The following BORCS5 variants were observed in gnomAD, a reference collection of about 807,000 sequenced individuals.
BORCS5 encodes BLOC-1 related complex subunit 5, also known as BLOC-1-related complex subunit 5.
A neutral mutation model predicts 22.1 loss-of-function variants in BORCS5; 17 were observed. The observed-to-expected ratio is 0.77, with a 90% CI of 0.53 to 1.15. The LOEUF (loss-of-function observed/expected upper bound fraction) is 1.15, where lower values mean the gene tolerates loss of function less well. Ranked by LOEUF, BORCS5 falls within the 50% of genes most tolerant of loss-of-function variation. The pLI is 0.00. For missense variants in BORCS5, 247 were observed against 253.2 expected (o/e 0.98, Z 0.17); for synonymous variants, 117 against 99.8 (o/e 1.17, Z -1.03).
rs1490020483 is a variant in BORCS5, at chr12:12,435,622, T to C, written c.203-6T>C. On this transcript the variant is annotated splice_polypyrimidine_tract_variant and splice_region_variant and intron_variant, in intron 2 of 3. Coordinates refer to ENST00000314565, the MANE Select transcript of BORCS5 (RefSeq NM_058169.6). ...TAATTTCATTTCATTTTTTTCTCCTTTGAAGGGCTATTGAGTGGCCAGACT... is the reference window on the plus strand; with the variant it reads ...TAATTTCATTTCATTTTTTTCTCCTCTGAAGGGCTATTGAGTGGCCAGACT... 1.9e-6 allele frequency: 3 copies of C among 1,606,454 alleles called. No individual in the cohort carries two copies. Among genetic ancestry groups the C allele is most frequent in the Non-Finnish European group, 2.5e-6 (3 of 1,176,860 alleles).
At chr12:12,463,023 A>G (rs1408317126) in intron 3 of BORCS5, among the ~76,000 whole-genome samples, 1 of 152,222 alleles carries the variant, frequency 6.6e-6, no homozygotes, top group Non-Finnish European at 1.5e-5. Flanking sequence ...CTGCTTATCC[A>G]GAAGACAATT....
At chr12:12,395,845 G>A (rs1941326447) in intron 2 of BORCS5, among the ~76,000 whole-genome samples, 1 of 152,076 alleles carries the variant, frequency 6.6e-6, no homozygotes, top group Admixed American at 6.6e-5. Flanking sequence ...AGTGGAAGGA[G>A]GAGCAAACTT....
intron 2 of BORCS5, among the ~76,000 whole-genome samples, chr12:12,429,774 C>T (rs1295218117): frequency 6.6e-6 from 1 of 152,210 alleles, no homozygotes; most frequent in African/African-American, 2.4e-5. Flanking sequence ...CCCTCTGCTT[C>T]AGCCACCTGG....
At chr12:12,402,896 C>A (rs920521724) in intron 2 of BORCS5, among the ~76,000 whole-genome samples, 1 of 152,234 alleles carries the variant, frequency 6.6e-6, no homozygotes, top group Admixed American at 6.5e-5. Flanking sequence ...AAGTTGTATA[C>A]GTGAACGTTG....
At chr12:12,422,965 C>T (rs1848559928) in intron 2 of BORCS5, among the ~76,000 whole-genome samples, 1 of 150,986 alleles carries the variant, frequency 6.6e-6, no homozygotes, top group Admixed American at 6.6e-5. Context: ...TACAAAAACC[C>T]CTGTAAATAC....
In BORCS5 at chr12:12,374,952, CAAA is replaced by C. The variant is rs112909758; in HGVS notation, c.202+13618_202+13620del. On this transcript the variant is annotated intron_variant, in intron 2 of 3. Coordinates refer to ENST00000314565, the MANE Select transcript of BORCS5 (RefSeq NM_058169.6). ...CCTGGGTGACAGAGTGAGACTGTCT[CAAA>C]AAAAAAAAAAAAAATTATTAACCAA... is the stretch of plus-strand genomic sequence containing the variant. Among the ~76,000 whole-genome samples, 572 of 106,416 alleles carry C rather than the reference CAAA, an allele frequency of 5.4e-3. 4 individuals are homozygous for C. Among genetic ancestry groups the C allele is most frequent in the African/African-American group, 0.014 (485 of 35,440 alleles). 69.8% of individuals were successfully genotyped at this position (106,416 alleles called of 152,430 possible).
chr12:12,416,506 C>G (rs1941959109), intron 2 of BORCS5, among the ~76,000 whole-genome samples: 1 of 151,902 alleles, frequency 6.6e-6, no homozygotes, highest in Admixed American at 6.6e-5. Context: ...TGCAGTGGTG[C>G]AATCATAGCT....
At chr12:12,368,557 A>G (rs1592056682) in intron 2 of BORCS5, among the ~76,000 whole-genome samples, 1 of 150,272 alleles carries the variant, frequency 6.7e-6, no homozygotes, top group Non-Finnish European at 1.5e-5. Flanking sequence ...TGATCTTCCA[A>G]CCTCAGCCTC....
chr12:12,435,667 T>A lies in BORCS5; in HGVS notation c.242T>A (p.Leu81Ter). 1 of 1,614,076 alleles carries A rather than the reference T, an allele frequency of 6.2e-7. No homozygotes were observed. Among genetic ancestry groups the A allele is most frequent in the East Asian group, 2.2e-5 (1 of 44,880 alleles). Residue 81 changes from leucine to a stop codon, truncating the protein, a stop_gained, in exon 3 of 4, where the codon TTG (leucine) becomes TAG (stop). Transcript: ENST00000314565. LOFTEE classifies it high-confidence loss of function. ...SGQTSPTNAKLEKLDSQQVLQ... is the reference protein window; with the variant it reads ...SGQTSPTNAK The stretch of plus-strand genomic sequence containing the variant: ...CAGACTTCCCCAACAAATGCCAAAT[T>A]GGAGAAACTGGACTCTCAGCAGGTG...
intron 1 of BORCS5, among the ~76,000 whole-genome samples, chr12:12,358,530 C>T (rs1000253533): frequency 6.6e-6 from 1 of 152,202 alleles, no homozygotes; most frequent in East Asian, 1.9e-4. Context: ...ATAATTGCCA[C>T]CTTTGACATT....
chr12:12,400,088 C>T (rs1489807784), intron 2 of BORCS5, among the ~76,000 whole-genome samples: 3 of 152,234 alleles, frequency 2.0e-5, no homozygotes, highest in Non-Finnish European at 4.4e-5. Flanking sequence ...ACCTTGGCTT[C>T]GCACCAAGGC....
At position 12,469,048 on chromosome 12, in the gene BORCS5, A is replaced by G. The variant is rs1943244218; in HGVS notation, c.*3272A>G. 6.6e-6 allele frequency: 1 copy of G among 152,328 alleles called. No homozygotes were observed. The highest frequency in any genetic ancestry group is 2.4e-5 in the African/African-American group (1 of 41,568). 9.4% of individuals were successfully genotyped at this position (152,328 alleles called of 1,614,324 possible). A position where few individuals can be genotyped will look rare whatever the true frequency, so the allele number is the denominator to read the frequency against. ...CAAGGACTCCATACCCTGATATAGG[A>G]GTACATTCAAGAAATGAGTTTAGGC... is the stretch of plus-strand genomic sequence containing the variant. On this transcript the variant is annotated 3_prime_UTR_variant, in exon 4 of 4. Transcript: ENST00000314565.
chr12:12,470,466 G>A lies in BORCS5; in HGVS notation c.*4690G>A, dbSNP rs940877874. Among the ~76,000 whole-genome samples, 11 of 152,110 alleles carry A rather than the reference G, an allele frequency of 7.2e-5. No individual in the cohort carries two copies. Among genetic ancestry groups the A allele is most frequent in the African/African-American group, 1.9e-4 (8 of 41,410 alleles). On this transcript the variant is annotated 3_prime_UTR_variant, in exon 4 of 4. Coordinates refer to ENST00000314565, the MANE Select transcript of BORCS5 (RefSeq NM_058169.6). ...CCCAGCATTAGACTCCCCTAAGAGCGTGAACCCTATTGTGAACTGCGCACG... is the reference window on the plus strand; with the variant it reads ...CCCAGCATTAGACTCCCCTAAGAGCATGAACCCTATTGTGAACTGCGCACG...
intron 2 of BORCS5, among the ~76,000 whole-genome samples, chr12:12,361,603 A>G (rs1327036546): frequency 6.6e-6 from 1 of 152,236 alleles, no homozygotes; most frequent in Non-Finnish European, 1.5e-5. Flanking sequence ...TTTCTCTGCT[A>G]GAATGTGAGC....
At chr12:12,371,781 A>G (rs1863534371) in intron 2 of BORCS5, among the ~76,000 whole-genome samples, 2 of 152,176 alleles carry the variant, frequency 1.3e-5, no homozygotes, top group Non-Finnish European at 2.9e-5. Flanking sequence ...CTTACACATC[A>G]CTGACACACC....
rs7975896 is a variant in BORCS5, at chr12:12,357,155, C to G, written c.-297C>G. 3 of 1,532,696 alleles carry G rather than the reference C, an allele frequency of 2.0e-6. No homozygotes were observed. Among genetic ancestry groups the G allele is most frequent in the Non-Finnish European group, 1.7e-6 (2 of 1,145,558 alleles). 94.9% of individuals were successfully genotyped at this position (1,532,696 alleles called of 1,614,324 possible). ...CGGCGCCGCCCGCCGGCCGCAGGTG[C>G]GGCAAAGCCAGTGTCATCTGCCGGT... On this transcript the variant is annotated 5_prime_UTR_variant, in exon 1 of 4. Coordinates refer to ENST00000314565, the MANE Select transcript of BORCS5 (RefSeq NM_058169.6).
At chr12:12,423,891 T>C (rs1164855245) in intron 2 of BORCS5, among the ~76,000 whole-genome samples, 1 of 152,142 alleles carries the variant, frequency 6.6e-6, no homozygotes, top group East Asian at 1.9e-4. Flanking sequence ...GGTTTTGCCA[T>C]GTTGCCCAGG....
intron 3 of BORCS5, chr12:12,436,014 A>C (rs1267995965): frequency 2.3e-6 from 1 of 438,104 alleles, no homozygotes; most frequent in African/African-American, 2.0e-5. Flanking sequence ...TCTCTGTCTC[A>C]GTTTCCTCAT....
intron 2 of BORCS5, among the ~76,000 whole-genome samples, chr12:12,381,184 G>A (rs1208336387): frequency 6.6e-6 from 1 of 150,918 alleles, no homozygotes; most frequent in Non-Finnish European, 1.5e-5. Context: ...GTTTTTAGTA[G>A]AGACAGGCTT....
Sources: gnomAD v4.1 joint callset for allele counts (sites outside exome capture counted in the v4.1 genomes callset) on GRCh38, gnomAD v4.1.1 for gene constraint, MANE v1.5 for transcripts, NCBI Gene and HGNC (gene_info 2026-07-23, HGNC 2026-07-21) for gene names.